DLG2: variants seen among roughly 807,000 people sequenced by gnomAD.
DLG2 encodes the protein discs large MAGUK scaffold protein 2.
A neutral mutation model predicts 132.5 loss-of-function variants in DLG2; 45 were observed. That is an observed-to-expected ratio of 0.34 (90% CI 0.27 to 0.44). DLG2 has a LOEUF of 0.44. DLG2 is among the 20% of genes least tolerant of loss of function. The probability of loss-of-function intolerance (pLI) is 1.00; values close to 1 mark genes in which losing one functional copy is unlikely to be tolerated. For synonymous variants in DLG2, 424 were observed against 419.6 expected (o/e 1.01, Z -0.13); for missense variants, 1,045 against 1,196.9 (o/e 0.87, Z 1.87).
At chr11:84,252,221 G>A (rs991323568) in intron 7 of DLG2, among the ~76,000 whole-genome samples, 7 of 142,058 alleles carry the variant, frequency 4.9e-5, no homozygotes, top group East Asian at 2.1e-4. Context: ...GTGCAAACTC[G>A]GGTCACTGCA....
At chr11:84,950,297 CT>C (rs1240619809) in intron 6 of DLG2, among the ~76,000 whole-genome samples, 1 of 152,098 alleles carries the variant, frequency 6.6e-6, no homozygotes. Flanking sequence ...AAAAAAAAAT[CT>C]ATGGCTGTCT....
At position 85,517,524 on chromosome 11, in the gene DLG2, T is replaced by C. The variant is rs115059702; in HGVS notation, c.40+81133A>G. Among the ~76,000 whole-genome samples, 827 of 152,086 alleles carry C rather than the reference T, an allele frequency of 5.4e-3. 10 individuals are homozygous for C. Among genetic ancestry groups the C allele is most frequent in the African/African-American group, 0.019 (806 of 41,512 alleles). On this transcript the variant is annotated intron_variant, in intron 3 of 27. Transcript: ENST00000376104. ...CTTGGTGATGATATGATCATACACA[T>C]AGAAAACCCCAAAGCTTTGGGAAAC...
chr11:85,583,120 G>GTATATA (rs1420782345), intron 3 of DLG2, among the ~76,000 whole-genome samples: 5 of 57,814 alleles, frequency 8.6e-5, no homozygotes, highest in Non-Finnish European at 1.7e-4. Context: ...GTGTGTGTGT[G>GTATATA]TGTGTGTGTG....
At chr11:84,414,640 A>C (rs1394276957) in intron 7 of DLG2, among the ~76,000 whole-genome samples, 3 of 152,206 alleles carry the variant, frequency 2.0e-5, no homozygotes, top group African/African-American at 7.2e-5. Flanking sequence ...TGCAGTATAT[A>C]ATCAAGACTG....
intron 7 of DLG2, among the ~76,000 whole-genome samples, chr11:84,312,303 T>A (rs539533751): frequency 6.6e-6 from 1 of 152,106 alleles, no homozygotes; most frequent in Admixed American, 6.5e-5. Flanking sequence ...ACCCCATCTC[T>A]AATAAAAATA....
chr11:83,527,381 T>C, intron 21 of DLG2, among the ~76,000 whole-genome samples: 1 of 152,186 alleles, frequency 6.6e-6, no homozygotes, highest in Non-Finnish European at 1.5e-5. Context: ...TCTTTAAATC[T>C]ATAAAGAGGA....
intron 9 of DLG2, among the ~76,000 whole-genome samples, chr11:84,112,558 T>A (rs2093420588): frequency 6.6e-6 from 1 of 152,068 alleles, no homozygotes; most frequent in South Asian, 2.1e-4. Context: ...AACTAGAGAT[T>A]TTTTTCTGGC....
intron 3 of DLG2, among the ~76,000 whole-genome samples, chr11:85,365,164 G>T (rs375007197): frequency 6.6e-6 from 1 of 152,046 alleles, no homozygotes. Context: ...AACCTAGGAC[G>T]GCATCCCACC....
intron 7 of DLG2, among the ~76,000 whole-genome samples, chr11:84,384,547 G>A (rs963572362): frequency 5.3e-5 from 8 of 151,978 alleles, no homozygotes; most frequent in African/African-American, 1.5e-4. Flanking sequence ...ACTGAACTGC[G>A]TAACCTTTGA....
At chr11:84,824,405 A>C (rs2078077646) in intron 6 of DLG2, among the ~76,000 whole-genome samples, 1 of 151,934 alleles carries the variant, frequency 6.6e-6, no homozygotes, top group African/African-American at 2.4e-5. Flanking sequence ...GAAATGTTTG[A>C]TTTTAAACAG....
At chr11:84,293,273 T>C (rs895876122) in intron 7 of DLG2, among the ~76,000 whole-genome samples, 1 of 152,144 alleles carries the variant, frequency 6.6e-6, no homozygotes, top group African/African-American at 2.4e-5. Flanking sequence ...GCAAGATCTC[T>C]GCAAGTAGAT....
chr11:84,688,019 T>C (rs916366007), intron 6 of DLG2, among the ~76,000 whole-genome samples: 4 of 152,292 alleles, frequency 2.6e-5, no homozygotes, highest in African/African-American at 9.6e-5. Context: ...TGCCTTCAGA[T>C]GTACTGTGTA....
rs142126549 is a variant in DLG2, at chr11:85,155,685, C to T, written c.187-1034G>A. On this transcript the variant is annotated intron_variant, in intron 4 of 27. Coordinates refer to ENST00000376104, the MANE Select transcript of DLG2 (RefSeq NM_001142699.3). ...AGGAGTTTGAGACCAGCCTGGCCAA[C>T]GTGGTGAAACCCTATCTCTACTAAA... Among the ~76,000 whole-genome samples the T allele has an allele frequency of 4.6e-3, 696 of 152,096 alleles. 1 individual carries two copies. Among genetic ancestry groups the T allele is most frequent in the African/African-American group, 7.1e-3 (294 of 41,490 alleles).
chr11:85,021,326 C>T (rs941475604), intron 6 of DLG2: 4 of 1,270,788 alleles, frequency 3.1e-6, no homozygotes, highest in South Asian at 1.2e-5. Flanking sequence ...TAGTCTAAGT[C>T]GAAAGAAGAG....
At chr11:84,644,976 T>C (rs1294237412) in intron 6 of DLG2, among the ~76,000 whole-genome samples, 2 of 152,208 alleles carry the variant, frequency 1.3e-5, no homozygotes, top group African/African-American at 4.8e-5. Flanking sequence ...AAATTCATAC[T>C]GCAGCACATT....
chr11:84,958,662 T>G (rs1172857083), intron 6 of DLG2, among the ~76,000 whole-genome samples: 1 of 152,190 alleles, frequency 6.6e-6, no homozygotes, highest in South Asian at 2.1e-4. Context: ...CAGAGTCATA[T>G]GACAGAGTAA....
At chr11:84,485,279 T>G (rs2099147950) in intron 7 of DLG2, among the ~76,000 whole-genome samples, 1 of 152,176 alleles carries the variant, frequency 6.6e-6, no homozygotes, top group African/African-American at 2.4e-5. Flanking sequence ...ATTTTTGATT[T>G]TATTCATTAG....
intron 6 of DLG2, among the ~76,000 whole-genome samples, chr11:84,566,285 T>C (rs2099455264): frequency 6.6e-6 from 1 of 152,174 alleles, no homozygotes; most frequent in African/African-American, 2.4e-5. Flanking sequence ...TTTTATCTTA[T>C]GTCTTAGAAA....
chr11:84,433,296 A>C (rs1229353662), intron 7 of DLG2, among the ~76,000 whole-genome samples: 1 of 152,244 alleles, frequency 6.6e-6, no homozygotes, highest in Non-Finnish European at 1.5e-5. Flanking sequence ...TGGTATTTTA[A>C]TACTCTTGTA....
Sources: gnomAD v4.1 joint callset for allele counts (sites outside exome capture counted in the v4.1 genomes callset) on GRCh38, gnomAD v4.1.1 for gene constraint, MANE v1.5 for transcripts, NCBI Gene and HGNC (gene_info 2026-07-23, HGNC 2026-07-21) for gene names.